Variants in RAP1GAP2 observed in about 807,000 individuals in gnomAD.
RAP1GAP2 encodes the protein RAP1 GTPase activating protein 2, also known as rap1 GTPase-activating protein 2.
A neutral mutation model predicts 95.0 loss-of-function variants in RAP1GAP2; 27 were observed. That is an observed-to-expected ratio of 0.28 (90% CI 0.21 to 0.39). The LOEUF (loss-of-function observed/expected upper bound fraction) is 0.39. Among genes scored for constraint, RAP1GAP2 ranks in the 10% least tolerant of loss-of-function variants. The pLI is 1.00. For missense variants in RAP1GAP2, 771 were observed against 970.0 expected (o/e 0.79, Z 2.72); for synonymous variants, 373 against 380.9 (o/e 0.98, Z 0.24).
intron 11 of RAP1GAP2, among the ~76,000 whole-genome samples, chr17:2,990,601 G>A (rs900102210): frequency 6.6e-6 from 1 of 152,212 alleles, no homozygotes; most frequent in East Asian, 1.9e-4. Flanking sequence ...TGGGAGTGCT[G>A]TTGCCAGATC....
intron 4 of RAP1GAP2, among the ~76,000 whole-genome samples, chr17:2,961,725 G>A (rs977826923): frequency 6.6e-6 from 1 of 152,114 alleles, no homozygotes; most frequent in African/African-American, 2.4e-5. Context: ...GCTACGCTTT[G>A]TCAAGGGTCA....
Position 2,981,622 on chromosome 17 carries a change from T to G in RAP1GAP2, c.729+374T>G, listed in dbSNP as rs139729843. 3.2e-3 allele frequency among the ~76,000 whole-genome samples: 490 copies of G among 152,028 alleles called. 1 individual carries two copies. The highest frequency in any genetic ancestry group is 5.6e-3 in the Non-Finnish European group (383 of 67,966). ...TCTGCTGTCACAGAGGGGCGGGAAG[T>G]ACAGCAGGCAGACACCAAGAAGAGA... On this transcript the variant is annotated intron_variant, in intron 10 of 24. Transcript: ENST00000254695.
chr17:2,826,663 C>A (rs1275357070), intron 2 of RAP1GAP2, among the ~76,000 whole-genome samples: 1 of 151,980 alleles, frequency 6.6e-6, no homozygotes, highest in Non-Finnish European at 1.5e-5. Context: ...AGGCTAGGGT[C>A]CTAAGAAGGT....
intron 16 of RAP1GAP2, among the ~76,000 whole-genome samples, chr17:3,006,841 G>A (rs894720208): frequency 1.5e-4 from 18 of 123,098 alleles, no homozygotes; most frequent in African/African-American, 6.5e-4. Context: ...CAGGGTAGTC[G>A]GGGGGTGGGG....
At chr17:3,032,093 C>T (rs1195426928) in intron 23 of RAP1GAP2, among the ~76,000 whole-genome samples, 8 of 144,080 alleles carry the variant, frequency 5.6e-5, no homozygotes, top group Admixed American at 5.4e-4. Context: ...CTATCGAGAG[C>T]TCCAGGTCCA....
At chr17:2,916,918 C>T (rs905517486) in intron 3 of RAP1GAP2, among the ~76,000 whole-genome samples, 12 of 152,220 alleles carry the variant, frequency 7.9e-5, no homozygotes, top group Non-Finnish European at 1.6e-4. Context: ...AGCGGAGCCA[C>T]GCTTCCTCAA....
At chr17:2,805,573 A>C (rs1241897184) in intron 2 of RAP1GAP2, among the ~76,000 whole-genome samples, 1 of 151,888 alleles carries the variant, frequency 6.6e-6, no homozygotes, top group South Asian at 2.1e-4. Context: ...GGGTTTCACC[A>C]TGTTGGCCAG....
At chr17:2,822,313 T>C (rs562475280) in intron 2 of RAP1GAP2, among the ~76,000 whole-genome samples, 66 of 152,286 alleles carry the variant, frequency 4.3e-4, no homozygotes, top group Middle Eastern at 6.8e-3. Flanking sequence ...CCGATTGCCA[T>C]TATAACAGCA....
intron 2 of RAP1GAP2, 26 bp from the exon 3 acceptor site, chr17:2,905,258 A>G: frequency 6.2e-7 from 1 of 1,603,434 alleles, no homozygotes. Context: ...GCAGGTCCTC[A>G]CTCACCTCTT....
intron 3 of RAP1GAP2, among the ~76,000 whole-genome samples, chr17:2,919,498 T>A (rs1264549446): frequency 1.3e-5 from 2 of 152,146 alleles, no homozygotes; most frequent in African/African-American, 4.8e-5. Context: ...GCAGCTGATA[T>A]TAAAATGAGT....
intron 3 of RAP1GAP2, among the ~76,000 whole-genome samples, chr17:2,916,783 G>A (rs935631097): frequency 6.6e-6 from 1 of 152,190 alleles, no homozygotes; most frequent in Non-Finnish European, 1.5e-5. Context: ...GTGAGATGCA[G>A]ATGCCCTTGA....
chr17:2,894,445 A>C (rs974754199), intron 2 of RAP1GAP2, among the ~76,000 whole-genome samples: 5 of 150,254 alleles, frequency 3.3e-5, no homozygotes, highest in African/African-American at 7.4e-5. Context: ...CAAACAAAAA[A>C]CCCCCTAAAA....
chr17:2,814,683 C>A (rs1482897436), intron 2 of RAP1GAP2, among the ~76,000 whole-genome samples: 1 of 152,108 alleles, frequency 6.6e-6, no homozygotes, highest in Non-Finnish European at 1.5e-5. Context: ...GCTGTCCCCT[C>A]CCTACCTTGG....
chr17:2,900,588 C>A (rs1424055547), intron 2 of RAP1GAP2, among the ~76,000 whole-genome samples: 1 of 152,006 alleles, frequency 6.6e-6, no homozygotes, highest in Admixed American at 6.6e-5. Flanking sequence ...ATTACAGGCA[C>A]CCGCCACCAC....
At chr17:3,016,549 ATGTGAGGAATATGTCT>A (rs1470277351) in intron 17 of RAP1GAP2, among the ~76,000 whole-genome samples, 6 of 152,256 alleles carry the variant, frequency 3.9e-5, no homozygotes, top group Non-Finnish European at 8.8e-5. Context: ...GCATCGCCCA[ATGTGAGGAATATGTCT>A]TGGGCATTCC....
chr17:3,001,332 C>T (rs967539082), intron 14 of RAP1GAP2, among the ~76,000 whole-genome samples: 40 of 96,270 alleles, frequency 4.2e-4, no homozygotes, highest in Middle Eastern at 6.7e-3. Flanking sequence ...GGAGAAGGGA[C>T]AGAAGAAGCA....
intron 2 of RAP1GAP2, among the ~76,000 whole-genome samples, chr17:2,885,784 A>C (rs1189715735): frequency 2.6e-5 from 4 of 152,182 alleles, no homozygotes; most frequent in Non-Finnish European, 4.4e-5. Flanking sequence ...GGGCCCCTTA[A>C]TTCTCAGTGG....
intron 17 of RAP1GAP2, among the ~76,000 whole-genome samples, chr17:3,017,459 A>G (rs1597883885): frequency 6.6e-6 from 1 of 152,362 alleles, no homozygotes; most frequent in African/African-American, 2.4e-5. Context: ...ATTGATGCAC[A>G]GATGAGTAAG....
At position 2,981,217 on chromosome 17, in the gene RAP1GAP2, G is replaced by A; in HGVS notation, c.698G>A (p.Gly233Glu). The stretch of plus-strand genomic sequence containing the variant: ...CAGGCTTTCTGTGATGATGCAGTGG[G>A]ACTGAGATTCAATCCTGTCCTGTAC... Reference protein sequence around the residue: ...IAKAFCDDAVGLRFNPVLYPK... With the variant: ...IAKAFCDDAVELRFNPVLYPK... The change falls in exon 10 of 25, where the codon GGA becomes GAA. Residue 233 changes from glycine (G) to glutamate (E), a missense_variant. Coordinates refer to ENST00000254695, the MANE Select transcript of RAP1GAP2 (RefSeq NM_015085.5). 5 of 1,612,686 alleles carry A rather than the reference G, an allele frequency of 3.1e-6. No homozygotes were observed. Among genetic ancestry groups the A allele is most frequent in the Non-Finnish European group, 4.2e-6 (5 of 1,179,326 alleles).
Sources: gnomAD v4.1 joint callset for allele counts (sites outside exome capture counted in the v4.1 genomes callset) on GRCh38, gnomAD v4.1.1 for gene constraint, MANE v1.5 for transcripts, NCBI Gene and HGNC (gene_info 2026-07-23, HGNC 2026-07-21) for gene names.